The following NDUFAF6 variants were observed in gnomAD, a reference collection of about 807,000 sequenced individuals.
NDUFAF6 encodes the protein NADH:ubiquinone oxidoreductase complex assembly factor 6, also known as NADH dehydrogenase (ubiquinone) complex I, assembly factor 6.
A neutral mutation model predicts 40.8 loss-of-function variants in NDUFAF6; 45 were observed. The observed-to-expected ratio is 1.10, with a 90% CI of 0.87 to 1.42. The LOEUF (loss-of-function observed/expected upper bound fraction) is 1.42, where lower values mean the gene tolerates loss of function less well. NDUFAF6 is among the 40% of genes most tolerant of loss of function. The probability of loss-of-function intolerance (pLI) is 0.00; values close to 1 mark genes in which losing one functional copy is unlikely to be tolerated. For missense variants in NDUFAF6, 435 were observed against 418.5 expected (o/e 1.04, Z -0.34); for synonymous variants, 185 against 155.9 (o/e 1.19, Z -1.39).
rs546325431 is a variant in NDUFAF6 at position 95,046,032 on chromosome 8, A to ATTTATTTTATTTTATTTTATTTTAT, written c.580+393_580+417dup. Reference sequence around the variant, plus strand: ...AAGAAAAGTAGAAGAAGTAAAACACATTTATTTTATTTTATTTTATTTTAT... The same window carrying ATTTATTTTATTTTATTTTATTTTAT: ...AAGAAAAGTAGAAGAAGTAAAACACATTTATTTTATTTTATTTTATTTTATTTTATTTTATTTTATTTTATTTTAT... On this transcript the variant is annotated intron_variant, in intron 5 of 8. Coordinates refer to ENST00000396124, the MANE Select transcript of NDUFAF6 (RefSeq NM_152416.4). Among the ~76,000 whole-genome samples the ATTTATTTTATTTTATTTTATTTTAT allele has an allele frequency of 2.3e-3, 341 of 147,808 alleles. 4 individuals carry two copies. Among genetic ancestry groups the ATTTATTTTATTTTATTTTATTTTAT allele is most frequent in the African/African-American group, 8.6e-3 (324 of 37,706 alleles).
chr8:94,999,984 A>G (rs1204851597), intron 2 of NDUFAF6, among the ~76,000 whole-genome samples: 4 of 151,596 alleles, frequency 2.6e-5, no homozygotes, highest in African/African-American at 9.7e-5. Context: ...CTGATGGGGG[A>G]GGATCCCTTG....
At chr8:95,028,648 C>CT (rs954246594) in intron 1 of NDUFAF6, among the ~76,000 whole-genome samples, 7 of 151,820 alleles carry the variant, frequency 4.6e-5, no homozygotes, top group East Asian at 1.9e-4. Flanking sequence ...TCACATACTG[C>CT]TTTTTTTTAG....
chr8:95,015,163 C>T lies in NDUFAF6; in HGVS notation c.-83-16832C>T, dbSNP rs142930725. On this transcript the variant is annotated intron_variant, in intron 2 of 9. Transcript: ENST00000396111. ...GGGTGGTGTTGCACAGCTCCAGACTCGAATCCATCTTGTAGTCCATCTGTT... is the reference window on the plus strand; with the variant it reads ...GGGTGGTGTTGCACAGCTCCAGACTTGAATCCATCTTGTAGTCCATCTGTT... 9.8e-3 allele frequency among the ~76,000 whole-genome samples: 1,489 copies of T among 152,180 alleles called. 78 individuals carry two copies. The highest frequency in any genetic ancestry group is 0.09 in the Admixed American group (1,368 of 15,284).
At chr8:95,084,441 T>A (rs1199824483) in intron 2 of NDUFAF6, among the ~76,000 whole-genome samples, 1 of 152,238 alleles carries the variant, frequency 6.6e-6, no homozygotes, top group Non-Finnish European at 1.5e-5. Context: ...TCATATTTTT[T>A]AAAACTTAGT....
intron 8 of NDUFAF6, among the ~76,000 whole-genome samples, chr8:95,056,905 CAA>C (rs33945993): frequency 2.1e-5 from 3 of 141,046 alleles, no homozygotes; most frequent in African/African-American, 5.2e-5. Flanking sequence ...GACTCTGTCT[CAA>C]AAAAAAAAAA....
At chr8:94,959,539 G>GTTTT (rs3039196) in intron 1 of NDUFAF6, among the ~76,000 whole-genome samples, 6 of 145,250 alleles carry the variant, frequency 4.1e-5, no homozygotes, top group African/African-American at 5.0e-5. Flanking sequence ...TGTTTTTTTT[G>GTTTT]TTTTTTTTTT....
At chr8:95,039,532 C>T (rs1829923424) in intron 3 of NDUFAF6, among the ~76,000 whole-genome samples, 1 of 150,694 alleles carries the variant, frequency 6.6e-6, no homozygotes, top group African/African-American at 2.4e-5. Context: ...CCCACCTTAT[C>T]CTCCCAAAGT....
chr8:95,057,640 T>G (rs765284911), intron 8 of NDUFAF6, among the ~76,000 whole-genome samples, 169 bp from the exon 9 acceptor site: 1 of 152,128 alleles, frequency 6.6e-6, no homozygotes, highest in Non-Finnish European at 1.5e-5. Flanking sequence ...TAATAGAAAC[T>G]TCTTGGATGT....
At chr8:94,945,163 G>A (rs993131752) in intron 1 of NDUFAF6, among the ~76,000 whole-genome samples, 3 of 152,086 alleles carry the variant, frequency 2.0e-5, no homozygotes, top group Non-Finnish European at 4.4e-5. Context: ...AGTATGTTTG[G>A]AACAGTTAGG....
chr8:95,057,251 G>T (rs1008816054), intron 8 of NDUFAF6, among the ~76,000 whole-genome samples: 1 of 152,314 alleles, frequency 6.6e-6, no homozygotes, highest in African/African-American at 2.4e-5. Context: ...CACATCGTTG[G>T]TGTTTTCTAT....
At chr8:95,014,397 T>A (rs1362098013) in intron 2 of NDUFAF6, among the ~76,000 whole-genome samples, 1 of 152,170 alleles carries the variant, frequency 6.6e-6, no homozygotes, top group African/African-American at 2.4e-5. Context: ...CAAGTCAGGG[T>A]ACCTGATGTA....
intron 1 of NDUFAF6, among the ~76,000 whole-genome samples, chr8:94,908,533 C>T (rs1818531773): frequency 6.6e-6 from 1 of 152,140 alleles, no homozygotes; most frequent in Non-Finnish European, 1.5e-5. Flanking sequence ...TCTTCCCTGG[C>T]TAATTTTTAA....
At chr8:94,944,473 T>C (rs143571018) in intron 1 of NDUFAF6, among the ~76,000 whole-genome samples, 1 of 152,336 alleles carries the variant, frequency 6.6e-6, no homozygotes, top group East Asian at 1.9e-4. Flanking sequence ...CAGGAAAGGC[T>C]TCTCTGGAGG....
At chr8:94,985,476 TATATATATATA>T (rs1825746269) in intron 2 of NDUFAF6, among the ~76,000 whole-genome samples, 13 of 1,634 alleles carry the variant, frequency 8.0e-3, no homozygotes, top group East Asian at 0.056. Context: ...ATTATATATA[TATATATATATA>T]TATATATATA....
chr8:95,017,476 G>A (rs2131688273), intron 2 of NDUFAF6, among the ~76,000 whole-genome samples: 1 of 152,266 alleles, frequency 6.6e-6, no homozygotes, highest in East Asian at 1.9e-4. Flanking sequence ...GTCCATACAG[G>A]TCAGCCCTCC....
At position 95,089,328 on chromosome 8, in the gene NDUFAF6, C is replaced by G. The variant is rs189136407; in HGVS notation, n.214-11804C>G. ...TGAACTCATGAACTTCTGCCTCCGC[C>G]TCCCATAGTGCTGGGATTACAGGTG... On this transcript the variant is annotated intron_variant and non_coding_transcript_variant, in intron 2 of 5. Transcript: ENST00000523184. Among the ~76,000 whole-genome samples, 456 of 152,212 alleles carry G rather than the reference C, an allele frequency of 3.0e-3. 2 individuals are homozygous for G. Among genetic ancestry groups the G allele is most frequent in the Admixed American group, 4.4e-3 (67 of 15,292 alleles).
intron 2 of NDUFAF6, among the ~76,000 whole-genome samples, chr8:95,102,008 T>A (rs79747969): frequency 1.6e-4 from 23 of 139,888 alleles, no homozygotes; most frequent in Admixed American, 6.5e-4. Context: ...TTTTTTTTTT[T>A]ATTTTTGAGA....
chr8:95,092,822 G>A (rs1809306499), intron 2 of NDUFAF6, among the ~76,000 whole-genome samples: 1 of 152,172 alleles, frequency 6.6e-6, no homozygotes, highest in Non-Finnish European at 1.5e-5. Flanking sequence ...CTGACCTCAT[G>A]ATCGGCCTGC....
intron 9 of NDUFAF6, among the ~76,000 whole-genome samples, chr8:95,063,792 T>C (rs957718918): frequency 1.3e-5 from 2 of 152,094 alleles, no homozygotes; most frequent in African/African-American, 4.8e-5. Flanking sequence ...AGGATCTCTT[T>C]TATGGGTGTC....
Sources: allele counts gnomAD v4.1 joint callset (sites outside exome capture counted in the v4.1 genomes callset), GRCh38; gene constraint gnomAD v4.1.1; transcripts MANE v1.5; gene names NCBI Gene and HGNC (gene_info 2026-07-23, HGNC 2026-07-21).